The following SCGB2B2 variants were observed in gnomAD, a reference collection of about 807,000 sequenced individuals.
SCGB2B2 encodes the protein secretoglobin-like protein.
SCGB2B2 carries 11 observed loss-of-function variants against 7.6 expected under a neutral mutation model. The observed-to-expected ratio is 1.45, with a 90% CI of 0.91 to 2.40. The LOEUF (loss-of-function observed/expected upper bound fraction) is 2.40, where lower values mean the gene tolerates loss of function less well. SCGB2B2 is among the 30% of genes most tolerant of loss of function. The pLI is 0.00. For missense variants in SCGB2B2, 104 were observed against 115.4 expected, an observed-to-expected ratio of 0.90 and a Z score of 0.45; for synonymous variants, 50 against 48.6, an observed-to-expected ratio of 1.03 and a Z score of -0.12.
At chr19:34,621,208 C>T (rs959087660) in intron 1 of SCGB2B2, among the ~76,000 whole-genome samples, 1 of 152,116 alleles carries the variant, frequency 6.6e-6, no homozygotes, top group Non-Finnish European at 1.5e-5. Context: ...TATGACTACA[C>T]AGACAGAAGA....
intron 1 of SCGB2B2, among the ~76,000 whole-genome samples, chr19:34,624,941 G>A (rs1186514887): frequency 6.6e-6 from 1 of 152,200 alleles, no homozygotes; most frequent in East Asian, 1.9e-4. Flanking sequence ...AAAAACAGAG[G>A]ATAAGGAGCC....
chr19:34,659,786 T>C (rs2067399266), intron 1 of SCGB2B2, among the ~76,000 whole-genome samples: 1 of 152,164 alleles, frequency 6.6e-6, no homozygotes, highest in African/African-American at 2.4e-5. Context: ...TGGAAAAAAC[T>C]ACTTTAAAGT....
chr19:34,660,602 G>A (rs191193060), intron 1 of SCGB2B2, among the ~76,000 whole-genome samples: 134 of 152,080 alleles, frequency 8.8e-4, no homozygotes, highest in African/African-American at 3.1e-3. Context: ...TTAGAATGGC[G>A]ATCATTAAAA....
chr19:34,614,975 G>T (rs771909538), intron 1 of SCGB2B2, among the ~76,000 whole-genome samples: 7 of 152,176 alleles, frequency 4.6e-5, no homozygotes, highest in Non-Finnish European at 1.0e-4. Context: ...GGCTTTGGGG[G>T]CCTTCCAATT....
intron 1 of SCGB2B2, among the ~76,000 whole-genome samples, chr19:34,661,048 C>G (rs1469800215): frequency 6.6e-6 from 1 of 151,038 alleles, no homozygotes; most frequent in Non-Finnish European, 1.5e-5. Context: ...ACCACATATT[C>G]TCACTCATAG....
chr19:34,665,209 G>A (rs2146168603), intron 1 of SCGB2B2, among the ~76,000 whole-genome samples: 1 of 152,342 alleles, frequency 6.6e-6, no homozygotes, highest in South Asian at 2.1e-4. Flanking sequence ...ACTCTGGCTG[G>A]CTGCATCTGT....
intron 1 of SCGB2B2, among the ~76,000 whole-genome samples, chr19:34,616,845 C>T (rs2066096886): frequency 6.6e-6 from 1 of 152,006 alleles, no homozygotes; most frequent in African/African-American, 2.4e-5. Flanking sequence ...TTTAATCCAT[C>T]TTGAATTAAT....
intron 1 of SCGB2B2, among the ~76,000 whole-genome samples, chr19:34,649,482 C>T (rs980518102): frequency 6.6e-6 from 1 of 152,026 alleles, no homozygotes; most frequent in African/African-American, 2.4e-5. Context: ...CCATCACTTT[C>T]GATTTCTCTT....
At chr19:34,672,980 G>A (rs183001964) in intron 1 of SCGB2B2, among the ~76,000 whole-genome samples, 135 of 152,128 alleles carry the variant, frequency 8.9e-4, no homozygotes, top group African/African-American at 3.1e-3. Context: ...TGGCGGGGGC[G>A]GGGGACAGAC....
rs2065459946 is a variant in SCGB2B2, at chr19:34,596,511, G to C, written c.-1948C>G. The C allele has an allele frequency of 1.3e-5, 2 of 152,736 alleles. No homozygotes were observed. The highest frequency in any genetic ancestry group is 4.8e-5 in the African/African-American group (2 of 41,562). 9.5% of individuals were successfully genotyped at this position (152,736 alleles called of 1,614,324 possible). A position where few individuals can be genotyped will look rare whatever the true frequency, so the allele number is the denominator to read the frequency against. On this transcript the variant is annotated 5_prime_UTR_variant, in exon 2 of 4. Coordinates refer to ENST00000601241, the MANE Select transcript of SCGB2B2 (RefSeq NM_001025591.4). ...TTCCACCCACTATGTGGGGTGGAGG[G>C]TCTGTGATTATATGAATATGAGGTT...
intron 1 of SCGB2B2, chr19:34,634,945 T>G (rs1264879095): frequency 7.3e-6 from 2 of 275,544 alleles, no homozygotes; most frequent in Non-Finnish European, 1.5e-5. Flanking sequence ...TTCACCAGTG[T>G]GAACTCTCTG....
At chr19:34,608,382 G>A (rs2065836465) in intron 1 of SCGB2B2, among the ~76,000 whole-genome samples, 1 of 150,828 alleles carries the variant, frequency 6.6e-6, no homozygotes, top group Non-Finnish European at 1.5e-5. Context: ...CAGTGCTATA[G>A]AAAACTAGAA....
At chr19:34,653,436 T>C (rs1293574850) in intron 1 of SCGB2B2, among the ~76,000 whole-genome samples, 1 of 151,300 alleles carries the variant, frequency 6.6e-6, no homozygotes, top group African/African-American at 2.5e-5. Context: ...TCATTACACA[T>C]TGTATGCATG....
intron 1 of SCGB2B2, among the ~76,000 whole-genome samples, chr19:34,659,370 G>GATTTTATATTT (rs2067384676): frequency 6.6e-6 from 1 of 152,160 alleles, no homozygotes; most frequent in Non-Finnish European, 1.5e-5. Context: ...CAGATGACAT[G>GATTTTATATTT]ATTTTATATT....
At chr19:34,602,394 G>C (rs925892848) in intron 1 of SCGB2B2, among the ~76,000 whole-genome samples, 2 of 152,102 alleles carry the variant, frequency 1.3e-5, no homozygotes. Flanking sequence ...GTTGGATTTT[G>C]GTGTCAGGAT....
intron 1 of SCGB2B2, among the ~76,000 whole-genome samples, chr19:34,671,796 A>G (rs967192424): frequency 1.3e-5 from 2 of 152,156 alleles, no homozygotes; most frequent in Non-Finnish European, 2.9e-5. Context: ...TTTTTAAAAA[A>G]TTATTATTTA....
At chr19:34,668,419 G>T (rs1258015062) in intron 1 of SCGB2B2, among the ~76,000 whole-genome samples, 1 of 152,214 alleles carries the variant, frequency 6.6e-6, no homozygotes, top group Non-Finnish European at 1.5e-5. Flanking sequence ...AGCCTGCCAG[G>T]CCTGAGCCTC....
At chr19:34,666,712 C>G (rs2067634953) in intron 1 of SCGB2B2, among the ~76,000 whole-genome samples, 1 of 152,200 alleles carries the variant, frequency 6.6e-6, no homozygotes, top group Non-Finnish European at 1.5e-5. Context: ...AACCCACACC[C>G]TAGTCGGCCC....
intron 1 of SCGB2B2, among the ~76,000 whole-genome samples, chr19:34,665,033 C>T (rs2067575843): frequency 6.6e-6 from 1 of 152,216 alleles, no homozygotes; most frequent in Non-Finnish European, 1.5e-5. Context: ...CTGGTGGCCC[C>T]AAGGCTGCAG....
Sources: allele counts gnomAD v4.1 joint callset (sites outside exome capture counted in the v4.1 genomes callset), GRCh38; gene constraint gnomAD v4.1.1; transcripts MANE v1.5; gene names NCBI Gene and HGNC (gene_info 2026-07-23, HGNC 2026-07-21).